ARHGAP12: variants seen among roughly 807,000 people sequenced by gnomAD.
ARHGAP12 encodes the protein Rho GTPase activating protein 12.
Under a neutral mutation model 108.6 loss-of-function variants are expected in ARHGAP12, and 64 were observed. That is an observed-to-expected ratio of 0.59 (90% CI 0.48 to 0.73). The LOEUF (loss-of-function observed/expected upper bound fraction) is 0.73, where lower values mean the gene tolerates loss of function less well. ARHGAP12 is among the 30% of genes least tolerant of loss of function. The pLI is 0.00. For missense variants in ARHGAP12, 940 were observed against 1,005.9 expected (o/e 0.93, Z 0.89); for synonymous variants, 312 against 337.2 (o/e 0.93, Z 0.82).
At chr10:31,818,498 C>CTTA (rs1246078867) in intron 12 of ARHGAP12, among the ~76,000 whole-genome samples, 7 of 152,124 alleles carry the variant, frequency 4.6e-5, no homozygotes, top group African/African-American at 1.7e-4. Flanking sequence ...AATTTATGTA[C>CTTA]AATCTCTGTT....
chr10:31,843,575 T>C lies in ARHGAP12; in HGVS notation c.1182A>G (p.Ser394=). ...SEWELPKYNA[S]SQQQREIIKS... ...TAATTATTTCTCTTTGCTGCTGGGA[T>C]GAAGCATTATACTAAAACAAAACAA... Residue 394 remains serine (S), a synonymous_variant, in exon 7 of 20, where the codon TCA becomes TCG. Coordinates refer to ENST00000344936, the MANE Select transcript of ARHGAP12 (RefSeq NM_018287.7). 1.2e-6 allele frequency: 2 copies of C among 1,604,088 alleles called. No homozygotes were observed. The highest frequency in any genetic ancestry group is 1.1e-5 in the South Asian group (1 of 89,500).
intron 14 of ARHGAP12, among the ~76,000 whole-genome samples, chr10:31,813,283 T>G (rs557386613): frequency 6.6e-6 from 1 of 152,248 alleles, no homozygotes; most frequent in Non-Finnish European, 1.5e-5. Flanking sequence ...GAGATATAAA[T>G]ATAGACATAT....
intron 7 of ARHGAP12, 22 bp downstream of exon 7, chr10:31,843,438 GC>G (rs1286443993): frequency 1.3e-5 from 21 of 1,604,304 alleles, no homozygotes; most frequent in Non-Finnish European, 1.7e-5. Context: ...CAAAGAACTT[GC>G]CAAAAATCTC....
chr10:31,861,350 A>C (rs1347030826), intron 4 of ARHGAP12, 45 bp downstream of exon 4: 16 of 1,546,632 alleles, frequency 1.0e-5, no homozygotes, highest in Non-Finnish European at 1.4e-5. Context: ...AATAATGAAA[A>C]GAGAAAATCT....
chr10:31,829,791 A>G (rs1835763495), intron 10 of ARHGAP12, among the ~76,000 whole-genome samples: 1 of 152,224 alleles, frequency 6.6e-6, no homozygotes, highest in South Asian at 2.1e-4. Flanking sequence ...CAGAGTCTTC[A>G]CTACAACTAA....
At chr10:31,811,930 C>T (rs1043137969) in intron 15 of ARHGAP12, among the ~76,000 whole-genome samples, 3 of 152,104 alleles carry the variant, frequency 2.0e-5, no homozygotes, top group African/African-American at 7.2e-5. Context: ...GGGGGGTTTA[C>T]AGATGTGAGC....
chr10:31,842,848 TG>T (rs1461557246), intron 7 of ARHGAP12, among the ~76,000 whole-genome samples: 3 of 152,112 alleles, frequency 2.0e-5, no homozygotes, highest in Non-Finnish European at 4.4e-5. Flanking sequence ...AGCTACACTG[TG>T]AATAAGTAAC....
chr10:31,836,977 G>A (rs1053589078), intron 9 of ARHGAP12, among the ~76,000 whole-genome samples: 5 of 152,112 alleles, frequency 3.3e-5, no homozygotes, highest in African/African-American at 2.4e-5. Flanking sequence ...AAACATTGGC[G>A]AGGCAGTTCC....
intron 3 of ARHGAP12, among the ~76,000 whole-genome samples, chr10:31,879,503 T>C (rs1423364117): frequency 2.0e-5 from 3 of 152,228 alleles, no homozygotes; most frequent in Non-Finnish European, 4.4e-5. Context: ...TTTGAAAATA[T>C]AATTTTATTA....
chr10:31,879,988 T>A (rs1174335992), intron 3 of ARHGAP12, among the ~76,000 whole-genome samples: 1 of 152,212 alleles, frequency 6.6e-6, no homozygotes, highest in East Asian at 1.9e-4. Flanking sequence ...GCAACAGAAA[T>A]AATATACTAT....
At chr10:31,836,396 T>C (rs982052932) in intron 9 of ARHGAP12, among the ~76,000 whole-genome samples, 7 of 152,148 alleles carry the variant, frequency 4.6e-5, no homozygotes, top group African/African-American at 9.7e-5. Context: ...AAATATATTA[T>C]TGACTTTTAA....
intron 3 of ARHGAP12, among the ~76,000 whole-genome samples, chr10:31,880,262 GA>G (rs1198464460): frequency 6.6e-6 from 1 of 152,144 alleles, no homozygotes; most frequent in African/African-American, 2.4e-5. Context: ...AAACATGAAT[GA>G]AAAAATGTAA....
At chr10:31,884,701 G>A (rs1049377759) in intron 3 of ARHGAP12, among the ~76,000 whole-genome samples, 1 of 152,078 alleles carries the variant, frequency 6.6e-6, no homozygotes, top group Non-Finnish European at 1.5e-5. Flanking sequence ...ACTGAGTTAC[G>A]CTTATCTTCC....
chr10:31,851,998 A>G (rs2132280607), intron 6 of ARHGAP12, among the ~76,000 whole-genome samples: 1 of 152,304 alleles, frequency 6.6e-6, no homozygotes, highest in African/African-American at 2.4e-5. Flanking sequence ...ACCACCTTAG[A>G]TAAACTCAGC....
chr10:31,862,168 TA>T (rs1433050251), intron 3 of ARHGAP12, among the ~76,000 whole-genome samples: 1 of 152,226 alleles, frequency 6.6e-6, no homozygotes, highest in African/African-American at 2.4e-5. Flanking sequence ...GCTCTAACAT[TA>T]AATCAGGAAC....
chr10:31,887,900 G>A (rs181099437), intron 3 of ARHGAP12, among the ~76,000 whole-genome samples: 2 of 151,828 alleles, frequency 1.3e-5, no homozygotes, highest in South Asian at 2.1e-4. Flanking sequence ...CTCATGATCC[G>A]CCCGCCTCAG....
intron 3 of ARHGAP12, among the ~76,000 whole-genome samples, chr10:31,864,178 AAC>A (rs1332622273): frequency 6.6e-6 from 1 of 152,172 alleles, no homozygotes; most frequent in African/African-American, 2.4e-5. Context: ...TGAAATAACC[AAC>A]AGTTAAAAAC....
At chr10:31,894,144 G>C (rs1048735654) in intron 3 of ARHGAP12, among the ~76,000 whole-genome samples, 70 of 152,188 alleles carry the variant, frequency 4.6e-4, no homozygotes, top group African/African-American at 6.3e-4. Context: ...CAATATCATA[G>C]TGAATGGGCA....
intron 1 of ARHGAP12, among the ~76,000 whole-genome samples, chr10:31,927,049 C>T (rs1027486288): frequency 3.3e-5 from 5 of 152,278 alleles, no homozygotes; most frequent in African/African-American, 1.2e-4. Context: ...CATTATATTA[C>T]ACTTCTGGGG....
Sources: allele counts gnomAD v4.1 joint callset (sites outside exome capture counted in the v4.1 genomes callset), GRCh38; gene constraint gnomAD v4.1.1; transcripts MANE v1.5; gene names NCBI Gene and HGNC (gene_info 2026-07-23, HGNC 2026-07-21).